The following CNTN5 variants were observed in gnomAD, a reference collection of about 807,000 sequenced individuals.
CNTN5 encodes the protein contactin-5.
In CNTN5, 77 loss-of-function variants were observed where a neutral mutation model predicts 129.1. The observed-to-expected ratio is 0.60, with a 90% CI of 0.50 to 0.72. CNTN5 has a LOEUF of 0.72. CNTN5 is among the 30% of genes least tolerant of loss of function. The probability of loss-of-function intolerance (pLI) is 0.00; values close to 1 mark genes in which losing one functional copy is unlikely to be tolerated. For synonymous variants in CNTN5, 509 were observed against 465.6 expected (o/e 1.09, Z -1.20); for missense variants, 1,478 against 1,328.8 (o/e 1.11, Z -1.75).
chr11:99,188,384 C>G (rs2135584436), intron 1 of CNTN5, among the ~76,000 whole-genome samples: 1 of 151,890 alleles, frequency 6.6e-6, no homozygotes, highest in South Asian at 2.1e-4. Context: ...ATCTCACCAT[C>G]TGTGTACGAG....
intron 6 of CNTN5, among the ~76,000 whole-genome samples, chr11:99,892,246 AT>A (rs1949081755): frequency 6.6e-6 from 1 of 152,246 alleles, no homozygotes; most frequent in African/African-American, 2.4e-5. Flanking sequence ...AGAAGGATAG[AT>A]TGCAAAAATT....
chr11:99,454,097 A>G (rs1565594937), intron 2 of CNTN5, among the ~76,000 whole-genome samples: 1 of 152,214 alleles, frequency 6.6e-6, no homozygotes, highest in Non-Finnish European at 1.5e-5. Context: ...AATTGCCCAC[A>G]GTGTATTTGC....
intron 7 of CNTN5, among the ~76,000 whole-genome samples, chr11:99,928,987 T>C (rs1204939345): frequency 2.6e-5 from 4 of 152,230 alleles, no homozygotes. Flanking sequence ...ATATCTTGAA[T>C]GCTTTGCTGC....
chr11:100,248,536 A>G (rs1177902691), intron 16 of CNTN5, among the ~76,000 whole-genome samples: 1 of 152,172 alleles, frequency 6.6e-6, no homozygotes. Context: ...ACAGAATGAG[A>G]CCATGTCTCT....
At chr11:99,482,494 T>A (rs549342863) in intron 2 of CNTN5, among the ~76,000 whole-genome samples, 1 of 152,368 alleles carries the variant, frequency 6.6e-6, no homozygotes, top group South Asian at 2.1e-4. Flanking sequence ...CTTTTGTATG[T>A]AACTTGTGAA....
intron 21 of CNTN5, among the ~76,000 whole-genome samples, chr11:100,323,971 G>A (rs116035108): frequency 2.5e-3 from 387 of 152,112 alleles, no homozygotes; most frequent in African/African-American, 8.8e-3. Flanking sequence ...AAATTTTAAA[G>A]ATTAATATTC....
intron 6 of CNTN5, among the ~76,000 whole-genome samples, chr11:99,889,332 G>GTT (rs1272566537): frequency 4.2e-5 from 2 of 47,530 alleles, no homozygotes; most frequent in African/African-American, 6.0e-5. Flanking sequence ...GTGTGTGTGT[G>GTT]TGTGTGTGTG....
chr11:99,177,556 C>T (rs1431358016), intron 1 of CNTN5, among the ~76,000 whole-genome samples: 1 of 152,140 alleles, frequency 6.6e-6, no homozygotes, highest in Non-Finnish European at 1.5e-5. Flanking sequence ...TGTTCTCACA[C>T]AAAATCTTGG....
At chr11:99,406,599 G>A (rs759092019) in intron 2 of CNTN5, among the ~76,000 whole-genome samples, 23 of 152,132 alleles carry the variant, frequency 1.5e-4, no homozygotes, top group Non-Finnish European at 2.5e-4. Flanking sequence ...TACAATCAGC[G>A]GGTGGCCAAG....
At chr11:99,920,406 AACAT>A (rs1949907506) in intron 7 of CNTN5, among the ~76,000 whole-genome samples, 1 of 152,102 alleles carries the variant, frequency 6.6e-6, no homozygotes, top group South Asian at 2.1e-4. Flanking sequence ...AAATCTCCCT[AACAT>A]ACATCTCTAA....
In CNTN5 at chr11:100,103,357, A is replaced by T. The variant is rs146045022; in HGVS notation, c.1580+29063A>T. Reference sequence around the variant, plus strand: ...GATTCTAGTATTTTGCCTAATTCTGATTTCACGCGTGGGTACTTTCTGAAC... The same window carrying T: ...GATTCTAGTATTTTGCCTAATTCTGTTTTCACGCGTGGGTACTTTCTGAAC... On this transcript the variant is annotated intron_variant, in intron 13 of 24. Coordinates refer to ENST00000524871, the MANE Select transcript of CNTN5 (RefSeq NM_014361.4). Among the ~76,000 whole-genome samples, 1,252 of 152,180 alleles carry T rather than the reference A, an allele frequency of 8.2e-3. 13 individuals carry two copies. Among genetic ancestry groups the T allele is most frequent in the South Asian group, 0.025 (118 of 4,808 alleles).
intron 21 of CNTN5, among the ~76,000 whole-genome samples, chr11:100,331,122 G>A (rs1460290013): frequency 6.6e-6 from 1 of 152,072 alleles, no homozygotes. Flanking sequence ...TAAACTTAAG[G>A]TAAAAAGGTG....
chr11:100,231,306 G>A (rs1219015669), intron 16 of CNTN5, among the ~76,000 whole-genome samples: 4 of 152,152 alleles, frequency 2.6e-5, no homozygotes, highest in Non-Finnish European at 4.4e-5. Flanking sequence ...AAGCAGATGG[G>A]ACAATAACGG....
intron 13 of CNTN5, among the ~76,000 whole-genome samples, chr11:100,128,814 A>AC (rs1409350340): frequency 4.0e-5 from 6 of 150,690 alleles, no homozygotes; most frequent in Non-Finnish European, 8.9e-5. Context: ...CTCCTATGCC[A>AC]CCCCCCTAAG....
chr11:99,404,841 C>A (rs201370023), intron 2 of CNTN5, among the ~76,000 whole-genome samples: 2 of 152,154 alleles, frequency 1.3e-5, no homozygotes, highest in East Asian at 3.9e-4. Flanking sequence ...TTTCTTATTG[C>A]TCATTAATGT....
intron 1 of CNTN5, among the ~76,000 whole-genome samples, chr11:99,237,613 G>T (rs1009443123): frequency 2.0e-5 from 3 of 152,036 alleles, no homozygotes; most frequent in Non-Finnish European, 4.4e-5. Flanking sequence ...CCCGGGAGGC[G>T]GAGGTTGCAG....
At chr11:99,241,344 C>T (rs76036728) in intron 1 of CNTN5, among the ~76,000 whole-genome samples, 2,671 of 24,524 alleles carry the variant, frequency 0.11, 35 homozygotes, top group African/African-American at 0.17. Flanking sequence ...TTTTTTGATT[C>T]CATTCTTTCT....
At chr11:99,584,291 C>T (rs1040865575) in intron 3 of CNTN5, among the ~76,000 whole-genome samples, 2 of 152,154 alleles carry the variant, frequency 1.3e-5, no homozygotes, top group African/African-American at 4.8e-5. Context: ...AAAATAATTG[C>T]ATGGCTTTTC....
At chr11:99,646,143 C>T (rs967046681) in intron 3 of CNTN5, among the ~76,000 whole-genome samples, 3 of 152,022 alleles carry the variant, frequency 2.0e-5, no homozygotes, top group Non-Finnish European at 4.4e-5. Context: ...TATTTGCAGT[C>T]GAAAACATTG....
Sources: allele counts gnomAD v4.1 joint callset (sites outside exome capture counted in the v4.1 genomes callset), GRCh38; gene constraint gnomAD v4.1.1; transcripts MANE v1.5; gene names NCBI Gene and HGNC (gene_info 2026-07-23, HGNC 2026-07-21).